ADAMTSL1: variants seen among roughly 807,000 people sequenced by gnomAD.
ADAMTSL1 encodes the protein ADAMTS like 1, also known as ADAMTS-like protein 1.
A neutral mutation model predicts 201.8 loss-of-function variants in ADAMTSL1; 126 were observed. That is an observed-to-expected ratio of 0.62 (90% CI 0.54 to 0.72). The LOEUF (loss-of-function observed/expected upper bound fraction) is 0.72. Among genes scored for constraint, ADAMTSL1 ranks in the 30% least tolerant of loss-of-function variants. The pLI, the probability that ADAMTSL1 is intolerant of heterozygous loss-of-function variation, is 0.00. For missense variants in ADAMTSL1, 2,679 were observed against 2,277.8 expected, an observed-to-expected ratio of 1.18 and a Z score of -3.59; for synonymous variants, 1,121 against 903.4, an observed-to-expected ratio of 1.24 and a Z score of -4.32.
chr9:18,538,979 T>C (rs932657378), intron 3 of ADAMTSL1, among the ~76,000 whole-genome samples: 26 of 152,140 alleles, frequency 1.7e-4, no homozygotes, highest in African/African-American at 6.0e-4. Context: ...CTCTAGTAAA[T>C]AATAACAACT....
At chr9:18,620,536 C>G (rs965580680) in intron 4 of ADAMTSL1, among the ~76,000 whole-genome samples, 1 of 152,216 alleles carries the variant, frequency 6.6e-6, no homozygotes, top group South Asian at 2.1e-4. Context: ...AACTGATCAG[C>G]TCATGGGCGG....
chr9:18,621,548 G>A (rs888804727), intron 4 of ADAMTSL1, among the ~76,000 whole-genome samples: 3 of 134,428 alleles, frequency 2.2e-5, no homozygotes, highest in South Asian at 2.4e-4. Context: ...TCATGCAACC[G>A]TCCTCTTCCA....
chr9:18,169,107 T>C (rs1361008801), intron 2 of ADAMTSL1, among the ~76,000 whole-genome samples: 2 of 138,268 alleles, frequency 1.4e-5, no homozygotes. Context: ...TTTGTTTTGC[T>C]GTGCAGAAGC....
intron 2 of ADAMTSL1, among the ~76,000 whole-genome samples, chr9:18,419,361 T>G (rs1298797325): frequency 6.6e-6 from 1 of 150,682 alleles, no homozygotes; most frequent in Non-Finnish European, 1.5e-5. Flanking sequence ...TAATCAGAAC[T>G]ATTAATTGGA....
At chr9:18,044,276 C>T (rs117483800) in intron 1 of ADAMTSL1, among the ~76,000 whole-genome samples, 2 of 151,902 alleles carry the variant, frequency 1.3e-5, no homozygotes, top group East Asian at 3.9e-4. Context: ...ATAGGTAGGG[C>T]TCATGTTGAG....
rs564013387 is a variant in ADAMTSL1 at position 18,106,480 on chromosome 9, G to A, written c.88-57382G>A. Among the ~76,000 whole-genome samples the A allele has an allele frequency of 2.6e-4, 40 of 152,228 alleles. 1 individual carries two copies. The highest frequency in any genetic ancestry group is 2.1e-4 in the South Asian group (1 of 4,828). ...AGGACAAGTTTCAACTCTGCTTAGCGCACATTTATTGTGTTAAGGAAAAAA... is the reference window on the plus strand; with the variant it reads ...AGGACAAGTTTCAACTCTGCTTAGCACACATTTATTGTGTTAAGGAAAAAA... On this transcript the variant is annotated intron_variant, in intron 1 of 29. Coordinates refer to the ADAMTSL1 transcript ENST00000680146.
chr9:18,253,528 C>T (rs1334096972), intron 2 of ADAMTSL1, among the ~76,000 whole-genome samples: 1 of 152,072 alleles, frequency 6.6e-6, no homozygotes, highest in East Asian at 1.9e-4. Flanking sequence ...TAGGAAGCGT[C>T]GCTGATTACT....
intron 4 of ADAMTSL1, among the ~76,000 whole-genome samples, chr9:18,577,063 C>A (rs915292409): frequency 6.6e-6 from 1 of 152,174 alleles, no homozygotes; most frequent in Non-Finnish European, 1.5e-5. Context: ...TTAAAAGACA[C>A]AACTCTTAAG....
intron 2 of ADAMTSL1, among the ~76,000 whole-genome samples, chr9:18,314,515 T>C (rs903102629): frequency 3.9e-5 from 6 of 151,984 alleles, no homozygotes; most frequent in African/African-American, 1.4e-4. Context: ...GAGTTGTTTG[T>C]TCCTCCAGTC....
At chr9:17,934,027 C>A (rs1223782470) in intron 1 of ADAMTSL1, among the ~76,000 whole-genome samples, 1 of 152,144 alleles carries the variant, frequency 6.6e-6, no homozygotes, top group African/African-American at 2.4e-5. Context: ...TTATCTGCTG[C>A]ACAAATGGCT....
In ADAMTSL1 at chr9:18,086,765, A is replaced by G. The variant is rs185067070; in HGVS notation, c.88-77097A>G. On this transcript the variant is annotated intron_variant, in intron 1 of 29. Transcript: ENST00000680146. ...ATTGACTAAAATGATGCTTATGACA[A>G]TTTCTGTAAAAAGTTGGGCAGTGGC... Among the ~76,000 whole-genome samples, 158 of 152,310 alleles carry G rather than the reference A, an allele frequency of 1.0e-3. 1 individual carries two copies. Among genetic ancestry groups the G allele is most frequent in the African/African-American group, 3.8e-3 (157 of 41,586 alleles).
chr9:18,242,671 T>C (rs1291130583), intron 2 of ADAMTSL1, among the ~76,000 whole-genome samples: 1 of 152,100 alleles, frequency 6.6e-6, no homozygotes, highest in Admixed American at 6.5e-5. Context: ...TTGTAGGATA[T>C]GAAATCAACA....
intron 2 of ADAMTSL1, among the ~76,000 whole-genome samples, chr9:18,176,483 G>C (rs902838664): frequency 1.3e-5 from 2 of 151,962 alleles, no homozygotes; most frequent in African/African-American, 4.8e-5. Context: ...ACCCTCTTCT[G>C]TATCACGTGC....
intron 12 of ADAMTSL1, among the ~76,000 whole-genome samples, chr9:18,682,741 T>C (rs1167355598): frequency 6.6e-6 from 1 of 152,216 alleles, no homozygotes; most frequent in Non-Finnish European, 1.5e-5. Context: ...CCATTAAATT[T>C]CTCTGAAAAA....
In ADAMTSL1 at chr9:18,507,796, G is replaced by A. The variant is rs568595484; in HGVS notation, c.191+2840G>A. 1.5e-3 allele frequency among the ~76,000 whole-genome samples: 227 copies of A among 152,254 alleles called. 1 individual carries two copies. The highest frequency in any genetic ancestry group is 5.3e-3 in the African/African-American group (221 of 41,546). On this transcript the variant is annotated intron_variant, in intron 2 of 28. Coordinates refer to ENST00000380548, the MANE Select transcript of ADAMTSL1 (RefSeq NM_001040272.6). ...TCAAAAGGGTCTGACAGCTTCTGTT[G>A]CAGAGAACTCACCCTGGCAGGGGCC...
intron 1 of ADAMTSL1, among the ~76,000 whole-genome samples, chr9:18,033,809 T>G (rs1821078406): frequency 6.6e-6 from 1 of 152,248 alleles, no homozygotes; most frequent in South Asian, 2.1e-4. Flanking sequence ...TGAATTATTT[T>G]GAGGGGAGAC....
intron 2 of ADAMTSL1, among the ~76,000 whole-genome samples, chr9:18,177,714 T>G (rs1347281536): frequency 2.0e-5 from 3 of 152,128 alleles, no homozygotes; most frequent in African/African-American, 7.2e-5. Context: ...TTAGCTGGCT[T>G]GTAAGAGATC....
At chr9:18,611,568 C>G (rs143764034) in intron 4 of ADAMTSL1, among the ~76,000 whole-genome samples, 3 of 152,028 alleles carry the variant, frequency 2.0e-5, no homozygotes, top group Non-Finnish European at 4.4e-5. Context: ...GTAAATAAGA[C>G]GAGAACACAA....
At chr9:18,540,159 C>T (rs1035500459) in intron 3 of ADAMTSL1, among the ~76,000 whole-genome samples, 1 of 152,086 alleles carries the variant, frequency 6.6e-6, no homozygotes, top group Admixed American at 6.6e-5. Context: ...CAACAATATC[C>T]ACTGGGATTT....
Sources: allele counts gnomAD v4.1 joint callset (sites outside exome capture counted in the v4.1 genomes callset), GRCh38; gene constraint gnomAD v4.1.1; transcripts MANE v1.5; gene names NCBI Gene and HGNC (gene_info 2026-07-23, HGNC 2026-07-21).